DCC: variants seen among roughly 807,000 people sequenced by gnomAD.
DCC encodes the protein netrin receptor DCC.
A neutral mutation model predicts 172.5 loss-of-function variants in DCC; 58 were observed. The observed-to-expected ratio is 0.34, with a 90% CI of 0.27 to 0.42. The LOEUF is 0.42. DCC is among the 10% of genes least tolerant of loss of function. The pLI, the probability that DCC is intolerant of heterozygous loss-of-function variation, is 1.00. For missense variants in DCC, 1,740 were observed against 1,791.0 expected, an observed-to-expected ratio of 0.97 and a Z score of 0.51; for synonymous variants, 709 against 644.5, an observed-to-expected ratio of 1.10 and a Z score of -1.52.
At chr18:52,463,832 G>A (rs1291397598) in intron 1 of DCC, among the ~76,000 whole-genome samples, 1 of 152,184 alleles carries the variant, frequency 6.6e-6, no homozygotes, top group Non-Finnish European at 1.5e-5. Flanking sequence ...ATCATAAGTA[G>A]AGATATATAC....
At chr18:52,746,286 A>G (rs142972139) in intron 1 of DCC, among the ~76,000 whole-genome samples, 1,815 of 152,296 alleles carry the variant, frequency 0.012, 22 homozygotes, top group Middle Eastern at 0.02. Context: ...AAGCACCCCA[A>G]AATGAAAGTT....
intron 12 of DCC, among the ~76,000 whole-genome samples, chr18:53,277,485 G>A (rs541363958): frequency 1.3e-5 from 2 of 152,132 alleles, no homozygotes; most frequent in African/African-American, 4.8e-5. Flanking sequence ...GTTGACAGTA[G>A]ATATAATTTT....
chr18:53,301,589 C>T (rs946915359), intron 12 of DCC, among the ~76,000 whole-genome samples: 4 of 152,226 alleles, frequency 2.6e-5, no homozygotes, highest in South Asian at 4.2e-4. Flanking sequence ...CTCCCCAAAC[C>T]CTGCCTCCAT....
At chr18:52,562,642 G>T (rs1051541964) in intron 1 of DCC, among the ~76,000 whole-genome samples, 1 of 151,944 alleles carries the variant, frequency 6.6e-6, no homozygotes, top group African/African-American at 2.4e-5. Flanking sequence ...CACTGTTGCC[G>T]CACACTATGA....
intron 5 of DCC, among the ~76,000 whole-genome samples, chr18:52,964,439 G>A (rs1371602384): frequency 6.6e-6 from 1 of 152,112 alleles, no homozygotes; most frequent in Non-Finnish European, 1.5e-5. Flanking sequence ...GAGCCTGAGA[G>A]AAACTTTGTG....
At chr18:52,820,063 A>AT (rs2038378383) in intron 2 of DCC, among the ~76,000 whole-genome samples, 1 of 152,160 alleles carries the variant, frequency 6.6e-6, no homozygotes, top group Admixed American at 6.5e-5. Flanking sequence ...GGGAGTGAGC[A>AT]TGATTGTTGG....
intron 1 of DCC, among the ~76,000 whole-genome samples, chr18:52,741,902 C>G (rs780245938): frequency 1.2e-4 from 18 of 152,092 alleles, no homozygotes; most frequent in Non-Finnish European, 2.4e-4. Context: ...ATCCTAACCT[C>G]CAATGTTATA....
Position 52,340,836 on chromosome 18 carries a change from C to G in DCC, c.49C>G (p.Leu17Val). The G allele has an allele frequency of 3.7e-6, 6 of 1,614,118 alleles. No homozygotes were observed. Residue 17 changes from leucine (L) to valine (V), a missense_variant, in exon 1 of 29, where the codon CTC (leucine) becomes GTC (valine). Transcript: ENST00000442544. ...TTGGGTACCCAAGCTGGCTTTTGTA[C>G]TCTTCGGAGCTTCCTTGTTCAGCGC... is the stretch of plus-strand genomic sequence containing the variant. Reference protein sequence around the residue: ...CVWVPKLAFVLFGASLFSAHL... With the variant: ...CVWVPKLAFVVFGASLFSAHL...
intron 1 of DCC, among the ~76,000 whole-genome samples, chr18:52,441,983 T>C (rs1027459739): frequency 1.3e-5 from 2 of 152,182 alleles, no homozygotes; most frequent in African/African-American, 4.8e-5. Context: ...TAGTCATCCA[T>C]CATAGAGAAG....
rs1555709976 is a variant in DCC at position 52,652,741 on chromosome 18, G to GTGTGTGTGTGTGTGTGT, written c.92-99313_92-99312insTGTGTGTGTGTGTGTGT. On this transcript the variant is annotated intron_variant, in intron 1 of 28. Transcript: ENST00000442544. ...GTGTGTGTGTGTGTGTGTGTGTGTG[G>GTGTGTGTGTGTGTGTGT]GTGGAGGAGGAGTGGTTTGATTAGA... is the stretch of plus-strand genomic sequence containing the variant. 8.7e-3 allele frequency among the ~76,000 whole-genome samples: 374 copies of GTGTGTGTGTGTGTGTGT among 43,104 alleles called. 1 individual carries two copies. Among genetic ancestry groups the GTGTGTGTGTGTGTGTGT allele is most frequent in the African/African-American group, 0.02 (330 of 16,858 alleles). 28.3% of individuals were successfully genotyped at this position (43,104 alleles called of 152,430 possible).
chr18:53,290,064 A>G (rs893574294), intron 12 of DCC, among the ~76,000 whole-genome samples: 2 of 152,210 alleles, frequency 1.3e-5, no homozygotes, highest in African/African-American at 4.8e-5. Context: ...TTGTGAAAGC[A>G]TTGTATATGA....
At chr18:53,421,238 T>C (rs1568120639) in intron 21 of DCC, among the ~76,000 whole-genome samples, 2 of 152,168 alleles carry the variant, frequency 1.3e-5, no homozygotes, top group African/African-American at 4.8e-5. Context: ...TCGATATTCT[T>C]AGCATGAGCA....
intron 15 of DCC, among the ~76,000 whole-genome samples, chr18:53,379,103 G>A (rs985581294): frequency 1.1e-4 from 17 of 152,354 alleles, no homozygotes; most frequent in African/African-American, 3.6e-4. Context: ...GGTCAAAGGT[G>A]TTCAGTAACA....
chr18:52,964,566 TG>T (rs1398765401), intron 5 of DCC, among the ~76,000 whole-genome samples: 11 of 152,080 alleles, frequency 7.2e-5, no homozygotes, highest in Non-Finnish European at 1.5e-4. Flanking sequence ...TGAGGGACTG[TG>T]GGTACTATTT....
intron 25 of DCC, among the ~76,000 whole-genome samples, chr18:53,481,767 T>G (rs1311564317): frequency 6.6e-6 from 1 of 152,116 alleles, no homozygotes; most frequent in African/African-American, 2.4e-5. Flanking sequence ...TGATTTCCTA[T>G]AGGTAGTATT....
chr18:53,410,857 G>T (rs1019786960), intron 20 of DCC, among the ~76,000 whole-genome samples: 30 of 150,212 alleles, frequency 2.0e-4, no homozygotes, highest in African/African-American at 6.8e-4. Flanking sequence ...TATTTAACAT[G>T]ACTTTTTTCA....
chr18:52,602,904 G>C (rs1276868082), intron 1 of DCC, among the ~76,000 whole-genome samples: 1 of 152,082 alleles, frequency 6.6e-6, no homozygotes. Flanking sequence ...ATATTACCTA[G>C]AGTTGGAAAT....
intron 15 of DCC, among the ~76,000 whole-genome samples, chr18:53,366,833 A>T (rs1487139505): frequency 2.0e-5 from 3 of 152,262 alleles, no homozygotes; most frequent in African/African-American, 7.2e-5. Context: ...TTGCCCACTC[A>T]CAGAATGCAG....
At chr18:52,497,323 A>ATATATATACACACGTATG in intron 1 of DCC, among the ~76,000 whole-genome samples, 1 of 113,046 alleles carries the variant, frequency 8.8e-6, no homozygotes, top group East Asian at 2.3e-4. Flanking sequence ...ATACACACAC[A>ATATATATACACACGTATG]CATATATATA....
Sources: gnomAD v4.1 joint callset for allele counts (sites outside exome capture counted in the v4.1 genomes callset) on GRCh38, gnomAD v4.1.1 for gene constraint, MANE v1.5 for transcripts, NCBI Gene and HGNC (gene_info 2026-07-23, HGNC 2026-07-21) for gene names.